COP1: variants seen among roughly 807,000 people sequenced by gnomAD.
The protein encoded by COP1 is COP1 E3 ubiquitin ligase.
Under a neutral mutation model 101.3 loss-of-function variants are expected in COP1, and 24 were observed. The ratio of observed to expected loss-of-function variants is 0.24; its 90% confidence interval spans 0.17 to 0.33. The LOEUF (loss-of-function observed/expected upper bound fraction) is 0.33. Ranked by LOEUF, COP1 falls within the 10% of genes least tolerant of loss-of-function variation. The probability of loss-of-function intolerance (pLI) is 1.00; values close to 1 mark genes in which losing one functional copy is unlikely to be tolerated. For missense variants in COP1, 663 were observed against 906.2 expected, an observed-to-expected ratio of 0.73 and a Z score of 3.45; for synonymous variants, 347 against 341.9, an observed-to-expected ratio of 1.01 and a Z score of -0.17.
chr1:176,051,627 A>C (rs1356707786), intron 11 of COP1, among the ~76,000 whole-genome samples: 2 of 152,196 alleles, frequency 1.3e-5, no homozygotes, highest in Non-Finnish European at 2.9e-5. Flanking sequence ...CAGGTCCTTC[A>C]GGAGGTATTC....
rs1231593204 is a variant in COP1, at chr1:176,043,735, G to A, written c.1505C>T (p.Thr502Ile). The A allele has an allele frequency of 1.9e-6, 3 of 1,605,810 alleles. No homozygotes were observed. Among genetic ancestry groups the A allele is most frequent in the Non-Finnish European group, 2.6e-6 (3 of 1,172,652 alleles). Reference sequence around the variant, plus strand: ...CTGATAGACCTTTGACCTCTGTCCTGTGAATCCATCCCATAAAATAACAGT... The same window carrying A: ...CTGATAGACCTTTGACCTCTGTCCTATGAATCCATCCCATAAAATAACAGT... ...EGTVILWDGF[T>I]GQRSKVYQEH... Residue 502 changes from threonine (T) to isoleucine (I), a missense_variant, in exon 13 of 20, where the codon ACA becomes ATA. Physicochemically the swap from Thr to Ile is moderately conservative, Grantham distance 89. This residue lies in a region of COP1 where 209 missense variants were observed against 383.3 expected (regional missense o/e 0.55). Transcript: ENST00000367669.
intron 11 of COP1, among the ~76,000 whole-genome samples, chr1:176,079,466 C>G (rs917257958): frequency 6.6e-6 from 1 of 151,630 alleles, no homozygotes; most frequent in Non-Finnish European, 1.5e-5. Flanking sequence ...CAACACATAC[C>G]GGGGACAACT....
At chr1:176,054,891 C>G (rs562832691) in intron 11 of COP1, among the ~76,000 whole-genome samples, 1 of 152,350 alleles carries the variant, frequency 6.6e-6, no homozygotes, top group East Asian at 1.9e-4. Flanking sequence ...AACCTCTCCT[C>G]TCGTTCTCTT....
At chr1:175,968,564 A>C (rs1192672639) in intron 18 of COP1, 1 of 503,624 alleles carries the variant, frequency 2.0e-6, no homozygotes, top group African/African-American at 2.0e-5. Context: ...ATTATTAAGA[A>C]GACTTTTGTT....
intron 9 of COP1, among the ~76,000 whole-genome samples, chr1:176,092,777 A>G (rs1681564974): frequency 6.6e-6 from 1 of 152,206 alleles, no homozygotes; most frequent in African/African-American, 2.4e-5. Flanking sequence ...ATAAAAGTAC[A>G]CTGGAAAACA....
At chr1:176,023,689 G>A (rs1179321147) in intron 15 of COP1, among the ~76,000 whole-genome samples, 2 of 140,482 alleles carry the variant, frequency 1.4e-5, no homozygotes, top group African/African-American at 5.5e-5. Context: ...TTGCACACCA[G>A]CCTGGGCAAC....
At chr1:176,077,879 T>TA (rs1678344460) in intron 11 of COP1, among the ~76,000 whole-genome samples, 1 of 147,952 alleles carries the variant, frequency 6.8e-6, no homozygotes, top group Non-Finnish European at 1.5e-5. Flanking sequence ...GAGAAAGAAA[T>TA]AAAAAACACA....
In COP1 at chr1:176,122,581, C is replaced by T. The variant is rs140440620; in HGVS notation, c.969-5900G>A. Among the ~76,000 whole-genome samples, 409 of 152,246 alleles carry T rather than the reference C, an allele frequency of 2.7e-3. 3 individuals carry two copies. Among genetic ancestry groups the T allele is most frequent in the African/African-American group, 9.2e-3 (381 of 41,550 alleles). ...GGTAATTTATTCTTCAAACAACAGA[C>T]GCTATCACAGTGTTTCAGAACTCCA... On this transcript the variant is annotated intron_variant, in intron 8 of 19. Coordinates refer to ENST00000367669, the MANE Select transcript of COP1 (RefSeq NM_022457.7).
chr1:175,966,482 A>C (rs1443982893), intron 18 of COP1, among the ~76,000 whole-genome samples: 6 of 152,216 alleles, frequency 3.9e-5, no homozygotes, highest in Admixed American at 1.3e-4. Context: ...TCTTAGACTT[A>C]ATAACTTGTC....
rs56280543 is a variant in COP1, at chr1:175,949,168, C to CAAAAAAAAAAAA, written c.2134-1941_2134-1930dup. Among the ~76,000 whole-genome samples the CAAAAAAAAAAAA allele has an allele frequency of 3.8e-3, 162 of 43,134 alleles. 21 individuals are homozygous for CAAAAAAAAAAAA. The highest frequency in any genetic ancestry group is 8.9e-3 in the African/African-American group (86 of 9,704). The allele number at this position is 43,134 out of a possible 152,430, so 28.3% of individuals were successfully genotyped here. On this transcript the variant is annotated intron_variant, in intron 18 of 19. Transcript: ENST00000367669. ...GAGAGACTCCAGCAAGGCTCCGTCT[C>CAAAAAAAAAAAA]AAAAAAAAAAAAAAAAAAAAAAAAT...
chr1:176,154,154 C>A (rs1363362243), intron 5 of COP1, among the ~76,000 whole-genome samples: 5 of 152,232 alleles, frequency 3.3e-5, no homozygotes, highest in South Asian at 4.1e-4. Flanking sequence ...GGAATAGTTT[C>A]AGTAGGAATG....
At chr1:176,161,107 G>C (rs1694246817) in intron 5 of COP1, among the ~76,000 whole-genome samples, 1 of 152,142 alleles carries the variant, frequency 6.6e-6, no homozygotes, top group Non-Finnish European at 1.5e-5. Context: ...TGCTGGTGTA[G>C]CATTCAGTTT....
intron 9 of COP1, among the ~76,000 whole-genome samples, chr1:176,108,503 T>C (rs1412385230): frequency 1.3e-5 from 2 of 152,142 alleles, no homozygotes; most frequent in Admixed American, 6.5e-5. Flanking sequence ...CACATGTATA[T>C]ACTGCCAAAT....
At chr1:176,113,455 T>C (rs977959956) in intron 9 of COP1, among the ~76,000 whole-genome samples, 30 of 152,310 alleles carry the variant, frequency 2.0e-4, no homozygotes, top group African/African-American at 6.0e-4. Context: ...CCTTGTCGGA[T>C]AGATAATCTG....
rs139574206 is a variant in COP1, at chr1:176,166,155, G to A, written c.566-2264C>T. Among the ~76,000 whole-genome samples the A allele has an allele frequency of 2.6e-3, 397 of 152,162 alleles. 3 individuals carry two copies. Among genetic ancestry groups the A allele is most frequent in the African/African-American group, 9.1e-3 (379 of 41,502 alleles). The stretch of plus-strand genomic sequence containing the variant: ...ATTTATTTATTTATTGAGACAGGGT[G>A]TGACTCTGTCACGCAGGATGGAGTG... On this transcript the variant is annotated intron_variant, in intron 3 of 19. Coordinates refer to ENST00000367669, the MANE Select transcript of COP1 (RefSeq NM_022457.7).
rs574138660 is a variant in COP1, at chr1:175,968,071, T to C, written c.2133+18872A>G. Among the ~76,000 whole-genome samples the C allele has an allele frequency of 3.9e-5, 6 of 152,266 alleles. No homozygotes were observed. The East Asian group carries it at 1.2e-3, about 29-fold the overall frequency. ...TCAGTAGAGACAGGATTTCACTATG[T>C]TGGTGCCAGGCTGGTCTTGAACTCC... On this transcript the variant is annotated intron_variant, in intron 18 of 19. Coordinates refer to ENST00000367669, the MANE Select transcript of COP1 (RefSeq NM_022457.7).
In COP1 at chr1:176,111,443, A is replaced by T. The variant is rs1685273167; in HGVS notation, c.1026+5181T>A. ...TGAGCAGCTGGGACTACAGGTGCGC[A>T]CCACCATGCTCAGCTAATTTTTTGT... On this transcript the variant is annotated intron_variant, in intron 9 of 19. Coordinates refer to ENST00000367669, the MANE Select transcript of COP1 (RefSeq NM_022457.7). Among the ~76,000 whole-genome samples the T allele has an allele frequency of 1.1e-4, 16 of 151,954 alleles. No individual in the cohort carries two copies. In the South Asian group the frequency reaches 3.3e-3, roughly 32 times the overall value.
rs78122558 is a variant in COP1 at position 176,117,117 on chromosome 1, T to C, written c.969-436A>G. Reference sequence around the variant, plus strand: ...TATGTGTTCTTGGACAATTAACTTATAATCAATTACTCAAGTTTCCTCATC... The same window carrying C: ...TATGTGTTCTTGGACAATTAACTTACAATCAATTACTCAAGTTTCCTCATC... On this transcript the variant is annotated intron_variant, in intron 8 of 19. Transcript: ENST00000367669. Among the ~76,000 whole-genome samples, 1,084 of 152,316 alleles carry C rather than the reference T, an allele frequency of 7.1e-3. 12 individuals are homozygous for C. Among genetic ancestry groups the C allele is most frequent in the African/African-American group, 0.025 (1,036 of 41,576 alleles).
intron 3 of COP1, among the ~76,000 whole-genome samples, chr1:176,167,676 T>C (rs1558245246): frequency 6.6e-6 from 1 of 152,202 alleles, no homozygotes; most frequent in Non-Finnish European, 1.5e-5. Flanking sequence ...ATTTTAATGC[T>C]AAAGACTCCA....
Sources: allele counts gnomAD v4.1 joint callset (sites outside exome capture counted in the v4.1 genomes callset), GRCh38; gene constraint gnomAD v4.1.1; regional missense constraint gnomAD v4.1.1; transcripts MANE v1.5; gene names NCBI Gene and HGNC (gene_info 2026-07-23, HGNC 2026-07-21).